ZFP92: variants seen among roughly 807,000 people sequenced by gnomAD.
ZFP92 encodes ZFP92 zinc finger protein, also known as zinc finger protein 92 homolog.
Under a neutral mutation model 7.6 loss-of-function variants are expected in ZFP92, and 2 were observed. The observed-to-expected ratio is 0.26, with a 90% CI of 0.11 to 0.83. ZFP92 has a LOEUF of 0.83. Among genes scored for constraint, ZFP92 ranks in the 40% least tolerant of loss-of-function variants. ZFP92 has a pLI of 0.65. For synonymous variants in ZFP92, 226 were observed against 183.6 expected, an observed-to-expected ratio of 1.23 and a Z score of -1.87; for missense variants, 324 against 408.3, an observed-to-expected ratio of 0.79 and a Z score of 1.78.
chrX:153,416,855 G>A (rs1377115482), intron 2 of ZFP92, among the ~76,000 whole-genome samples: 1 of 111,812 alleles, frequency 8.9e-6, no homozygotes, highest in Admixed American at 9.4e-5. Flanking sequence ...TCCATTCAGG[G>A]TGGGAGTCTA....
At chrX:153,419,655 G>A (rs1351667748) in intron 4 of ZFP92, among the ~76,000 whole-genome samples, 1 of 112,379 alleles carries the variant, frequency 8.9e-6, no homozygotes, top group Non-Finnish European at 1.9e-5. Flanking sequence ...AATCCAGAGG[G>A]TCTTCAACAT....
chrX:153,423,390 TTA>T lies in ZFP92; in HGVS notation c.*1765_*1766del, dbSNP rs1556975814. The T allele has an allele frequency of 3.0e-5, 2 of 67,730 alleles. No homozygotes were observed. Among genetic ancestry groups the T allele is most frequent in the East Asian group, 5.3e-4 (1 of 1,879 alleles). 5.6% of individuals were successfully genotyped at this position (67,730 alleles called of 1,213,427 possible). On this transcript the variant is annotated 3_prime_UTR_variant, in exon 6 of 6. Coordinates refer to ENST00000338647, the MANE Select transcript of ZFP92 (RefSeq NM_001136273.2). ...CACTAGGACAACTCCAGAAATAATG[TTA>T]TACACACACACACACACACACACAC...
At chrX:153,412,093 C>A (rs975754933) in intron 2 of ZFP92, among the ~76,000 whole-genome samples, 80 bp downstream of exon 2, 1 of 112,862 alleles carries the variant, frequency 8.9e-6, no homozygotes, top group African/African-American at 3.2e-5. Context: ...GCTGCCCAGG[C>A]ACCGGCCCTG....
chrX:153,415,791 A>C (rs782093442), intron 2 of ZFP92, among the ~76,000 whole-genome samples: 13 of 110,569 alleles, frequency 1.2e-4, no homozygotes, highest in Non-Finnish European at 2.3e-4. Flanking sequence ...CCCTCCCCCA[A>C]ATGCTTCAAT....
At chrX:153,415,560 G>T (rs781912294) in intron 2 of ZFP92, among the ~76,000 whole-genome samples, 1 of 111,906 alleles carries the variant, frequency 8.9e-6, no homozygotes, top group African/African-American at 3.3e-5. Flanking sequence ...GTGAACACAG[G>T]TGCGCAAGGG....
chrX:153,414,567 T>C (rs1395067943), intron 2 of ZFP92, among the ~76,000 whole-genome samples: 11 of 111,694 alleles, frequency 9.8e-5, no homozygotes, highest in Admixed American at 6.6e-4. Flanking sequence ...CAGGCTGGTC[T>C]CCAACTCCTG....
chrX:153,420,487 G>A (rs188001542), intron 5 of ZFP92, among the ~76,000 whole-genome samples, 155 bp downstream of exon 5: 1 of 111,730 alleles, frequency 9.0e-6, no homozygotes, highest in East Asian at 2.8e-4. Context: ...GCTATCTCCA[G>A]CCCATCCTCC....
At chrX:153,416,053 C>A (rs935392696) in intron 2 of ZFP92, among the ~76,000 whole-genome samples, 2 of 111,330 alleles carry the variant, frequency 1.8e-5, no homozygotes, top group African/African-American at 6.5e-5. Flanking sequence ...CTCCTTTCTC[C>A]CCCCATGACA....
In ZFP92 at chrX:153,425,156, T is replaced by C. The variant is rs945820117; in HGVS notation, c.*3528T>C. On this transcript the variant is annotated 3_prime_UTR_variant, in exon 6 of 6. Coordinates refer to ENST00000338647, the MANE Select transcript of ZFP92 (RefSeq NM_001136273.2). The stretch of plus-strand genomic sequence containing the variant: ...TCCTCAGCAAAGTGCCACATCAGTC[T>C]CCTGAGAACACAGCTGTGTGTTCTT... 2 of 112,554 alleles carry C rather than the reference T, an allele frequency of 1.8e-5. No homozygotes were observed. The highest frequency in any genetic ancestry group is 6.5e-5 in the African/African-American group (2 of 30,977). 9.3% of individuals were successfully genotyped at this position (112,554 alleles called of 1,213,427 possible). A position where few individuals can be genotyped will look rare whatever the true frequency, so the allele number is the denominator to read the frequency against.
In ZFP92 at chrX:153,421,109, G is replaced by C; in HGVS notation, c.732G>C (p.Leu244=). The change falls in exon 6 of 6, where the codon CTG becomes CTC. Residue 244 remains leucine, a synonymous_variant. Coordinates refer to ENST00000338647, the MANE Select transcript of ZFP92 (RefSeq NM_001136273.2). ...RPFACGDCGK[L]FRRSFALLEH... ...TCGCCTGCGGCGACTGCGGCAAACTGTTCCGCCGCAGCTTCGCGCTCCTGG... is the reference window on the plus strand; with the variant it reads ...TCGCCTGCGGCGACTGCGGCAAACTCTTCCGCCGCAGCTTCGCGCTCCTGG... 2 of 1,167,225 alleles carry C rather than the reference G, an allele frequency of 1.7e-6. No individual in the cohort carries two copies. The highest frequency in any genetic ancestry group is 2.3e-6 in the Non-Finnish European group (2 of 874,902).
rs1556972958 is a variant in ZFP92, at chrX:153,411,589, G to A, written c.-182G>A. ...GCCCAGGAGCCCCCACCCCCCGCCC[G>A]CGTTTCCTGGGGACGCGGCCTCGGA... On this transcript the variant is annotated 5_prime_UTR_variant, in exon 1 of 6. Transcript: ENST00000338647. 8.8e-6 allele frequency among the ~76,000 whole-genome samples: 1 copy of A among 113,013 alleles called. No individual in the cohort carries two copies. Among genetic ancestry groups the A allele is most frequent in the Non-Finnish European group, 1.9e-5 (1 of 53,180 alleles).
rs2089020616 is a variant in ZFP92 at position 153,423,393 on chromosome X, T to TTC, written c.*1765_*1766insTC. The TTC allele has an allele frequency of 2.1e-5, 2 of 93,971 alleles. No individual in the cohort carries two copies. The highest frequency in any genetic ancestry group is 2.3e-4 in the Admixed American group (2 of 8,580). The allele number at this position is 93,971 out of a possible 1,213,427, so 7.7% of individuals were successfully genotyped here. A position where few individuals can be genotyped will look rare whatever the true frequency, so the allele number is the denominator to read the frequency against. ...TAGGACAACTCCAGAAATAATGTTA[T>TTC]ACACACACACACACACACACACACA... On this transcript the variant is annotated 3_prime_UTR_variant, in exon 6 of 6. Coordinates refer to ENST00000338647, the MANE Select transcript of ZFP92 (RefSeq NM_001136273.2).
rs1004236665 is a variant in ZFP92, at chrX:153,424,958, C to T, written c.*3330C>T. 8.9e-6 allele frequency: 1 copy of T among 112,467 alleles called. No individual in the cohort carries two copies. Among genetic ancestry groups the T allele is most frequent in the African/African-American group, 3.2e-5 (1 of 30,957 alleles). 9.3% of individuals were successfully genotyped at this position (112,467 alleles called of 1,213,427 possible). ...TGGCCAGAGCTGGGCTTTGGGTGTTCCTTGTGGGGGTCCCTGTGAAGGTAA... is the reference window on the plus strand; with the variant it reads ...TGGCCAGAGCTGGGCTTTGGGTGTTTCTTGTGGGGGTCCCTGTGAAGGTAA... On this transcript the variant is annotated 3_prime_UTR_variant, in exon 6 of 6. Coordinates refer to ENST00000338647, the MANE Select transcript of ZFP92 (RefSeq NM_001136273.2).
Position 153,418,714 on chromosome X carries a change from G to C in ZFP92, c.75G>C (p.Lys25Asn), listed in dbSNP as rs201754339. 8.6e-6 allele frequency: 10 copies of C among 1,166,066 alleles called. No individual in the cohort carries two copies. The highest frequency in any genetic ancestry group is 2.6e-5 in the Admixed American group (1 of 38,432). ...AGGATGTGTCCGTGTACTTCACAAA[G>C]ACAGAATGGAAGCTTCTGGACCTCA... is the stretch of plus-strand genomic sequence containing the variant. ...SFEDVSVYFT[K>N]TEWKLLDLRQ... Residue 25 changes from lysine (K) to asparagine (N), a missense_variant, in exon 4 of 6, where the codon AAG becomes AAC. Physicochemically the swap from Lys to Asn is moderately conservative, Grantham distance 94. Transcript: ENST00000338647.
Position 153,421,400 on chromosome X carries a change from G to A in ZFP92, c.1023G>A (p.Val341=). The change falls in exon 6 of 6, where the codon GTG becomes GTA. Residue 341 remains valine (V), a synonymous_variant. Transcript: ENST00000338647. ...GRSGLSQHRR[V]HSGEKPYECS... ...CGGGCCTCAGCCAGCACCGGCGCGT[G>A]CACAGCGGTGAGAAGCCCTACGAGT... 4 of 1,156,597 alleles carry A rather than the reference G, an allele frequency of 3.5e-6. No homozygotes were observed. The East Asian group carries it at 9.8e-5, about 28-fold the overall frequency.
intron 5 of ZFP92, 148 bp downstream of exon 5, chrX:153,420,480 A>C: frequency 1.1e-6 from 1 of 900,920 alleles, no homozygotes; most frequent in South Asian, 2.6e-5. Context: ...CAGCCCCGCT[A>C]TCTCCAGCCC....
At chrX:153,412,487 CAG>C (rs1324013506) in intron 2 of ZFP92, among the ~76,000 whole-genome samples, 1 of 112,593 alleles carries the variant, frequency 8.9e-6, no homozygotes, top group Non-Finnish European at 1.9e-5. Flanking sequence ...TTAGTAATTA[CAG>C]AGTCTGTTAA....
At chrX:153,412,280 G>A (rs1220267194) in intron 2 of ZFP92, among the ~76,000 whole-genome samples, 7 of 112,255 alleles carry the variant, frequency 6.2e-5, no homozygotes, top group African/African-American at 1.9e-4. Flanking sequence ...GGGCAAGGGT[G>A]AGAGAAGGAG....
chrX:153,419,180 C>T (rs910305925), intron 4 of ZFP92, among the ~76,000 whole-genome samples: 3 of 112,897 alleles, frequency 2.7e-5, no homozygotes, highest in Admixed American at 9.3e-5. Context: ...ATTTTGCATC[C>T]GTTCCACTTT....
Sources: allele counts gnomAD v4.1 joint callset (sites outside exome capture counted in the v4.1 genomes callset), GRCh38; gene constraint gnomAD v4.1.1; transcripts MANE v1.5; gene names NCBI Gene and HGNC (gene_info 2026-07-23, HGNC 2026-07-21).